The following STRN3 variants were observed in gnomAD, a reference collection of about 807,000 sequenced individuals.
The protein encoded by STRN3 is striatin-3.
STRN3 carries 29 observed loss-of-function variants against 95.6 expected under a neutral mutation model. The observed-to-expected ratio is 0.30, with a 90% CI of 0.23 to 0.41. STRN3 has a LOEUF of 0.41. Ranked by LOEUF, STRN3 falls within the 10% of genes least tolerant of loss-of-function variation. The pLI, the probability that STRN3 is intolerant of heterozygous loss-of-function variation, is 1.00. For synonymous variants in STRN3, 331 were observed against 357.6 expected (o/e 0.93, Z 0.84); for missense variants, 890 against 972.1 (o/e 0.92, Z 1.12).
chr14:31,014,441 C>T (rs1462263151), intron 1 of STRN3, among the ~76,000 whole-genome samples: 1 of 151,962 alleles, frequency 6.6e-6, no homozygotes, highest in East Asian at 1.9e-4. Context: ...AGGCTGTTCT[C>T]GAACTCCTAA....
Position 30,906,940 on chromosome 14 carries a change from T to C in STRN3, c.1825A>G (p.Thr609Ala). Residue 609 changes from threonine (T) to alanine (A), a missense_variant, in exon 14 of 18, where the codon ACT (threonine) becomes GCT (alanine). By Grantham distance (58) the Thr-to-Ala change is moderately conservative (BLOSUM62 0). This residue lies in a region of STRN3 where 357 missense variants were observed against 422.8 expected (regional missense o/e 0.84). Transcript: ENST00000357479. The stretch of plus-strand genomic sequence containing the variant: ...TCTTGTGGATTCCATAACCTAACAG[T>C]GCCATCTGCTGAACAAGACAGTAAT... ...NQLLSCSADG[T>A]VRLWNPQEKL... The C allele has an allele frequency of 6.2e-7, 1 of 1,613,968 alleles. No individual in the cohort carries two copies. The highest frequency in any genetic ancestry group is 8.5e-7 in the Non-Finnish European group (1 of 1,179,894).
chr14:31,017,313 C>A (rs1236014049), intron 1 of STRN3, among the ~76,000 whole-genome samples: 1 of 151,002 alleles, frequency 6.6e-6, no homozygotes, highest in Non-Finnish European at 1.5e-5. Context: ...TCCTGGCTAA[C>A]AAGGTGAAAC....
At chr14:30,913,437 G>T in intron 10 of STRN3, 87 bp downstream of exon 10, 1 of 1,320,094 alleles carries the variant, frequency 7.6e-7, no homozygotes, top group Non-Finnish European at 1.0e-6. Flanking sequence ...CATGCACCTT[G>T]ATATTAATTC....
At chr14:30,922,860 A>ATT (rs34737466) in intron 8 of STRN3, among the ~76,000 whole-genome samples, 3 of 3,522 alleles carry the variant, frequency 8.5e-4, no homozygotes, top group Non-Finnish European at 2.8e-3. Context: ...AAGTGCACTG[A>ATT]TTAGAGTATC....
intron 4 of STRN3, among the ~76,000 whole-genome samples, chr14:30,948,067 AAAAT>A (rs1297943149): frequency 2.0e-5 from 3 of 152,222 alleles, no homozygotes; most frequent in Non-Finnish European, 2.9e-5. Context: ...AATGTGAAAA[AAAAT>A]AAGCAAGATA....
chr14:30,950,808 T>C (rs374398712), intron 4 of STRN3, 55 bp downstream of exon 4: 48 of 1,486,826 alleles, frequency 3.2e-5, no homozygotes, highest in Non-Finnish European at 4.3e-5. Context: ...TGATTCAGTA[T>C]AAGCACTTTC....
At chr14:30,910,911 T>G in intron 13 of STRN3, 130 bp downstream of exon 13, 2 of 1,014,980 alleles carry the variant, frequency 2.0e-6, no homozygotes, top group Non-Finnish European at 2.7e-6. Flanking sequence ...ATAAAGCAAT[T>G]TATTAGCAAA....
chr14:31,003,988 AC>A (rs1289078383), intron 1 of STRN3, among the ~76,000 whole-genome samples: 1 of 151,890 alleles, frequency 6.6e-6, no homozygotes, highest in African/African-American at 2.4e-5. Flanking sequence ...CCTCATCTCA[AC>A]AAAGAAGTTT....
intron 1 of STRN3, among the ~76,000 whole-genome samples, chr14:30,998,426 A>C (rs1400426138): frequency 6.6e-6 from 1 of 152,236 alleles, no homozygotes. Context: ...CTGAGAACCT[A>C]GAAGGCCATA....
chr14:30,992,967 G>C (rs556254580), intron 1 of STRN3, among the ~76,000 whole-genome samples: 2 of 152,168 alleles, frequency 1.3e-5, no homozygotes, highest in Non-Finnish European at 2.9e-5. Context: ...CTAGGACATA[G>C]GTGGGTGTGC....
intron 3 of STRN3, among the ~76,000 whole-genome samples, chr14:30,951,746 C>T (rs1030709984): frequency 3.3e-5 from 5 of 151,964 alleles, no homozygotes; most frequent in Admixed American, 3.3e-4. Flanking sequence ...TAAAATTAAA[C>T]CAGAAAATAG....
intron 1 of STRN3, among the ~76,000 whole-genome samples, chr14:30,999,039 G>A (rs1007972927): frequency 6.6e-6 from 1 of 152,144 alleles, no homozygotes; most frequent in African/African-American, 2.4e-5. Flanking sequence ...CTACTCCTAA[G>A]AAAGCCCAGA....
chr14:30,975,576 A>C (rs1881058527), intron 1 of STRN3, among the ~76,000 whole-genome samples: 1 of 151,536 alleles, frequency 6.6e-6, no homozygotes, highest in Non-Finnish European at 1.5e-5. Flanking sequence ...AAGAAAGAGA[A>C]CGAAAGAAAG....
chr14:31,013,865 TATTATTATTA>T (rs1454052758), intron 1 of STRN3, among the ~76,000 whole-genome samples: 1 of 91,502 alleles, frequency 1.1e-5, no homozygotes, highest in Non-Finnish European at 2.1e-5. Context: ...AAAGCAATTT[TATTATTATTA>T]TTATTATTAT....
intron 9 of STRN3, among the ~76,000 whole-genome samples, chr14:30,917,422 G>A (rs141401562): frequency 3.3e-5 from 5 of 151,974 alleles, no homozygotes; most frequent in Non-Finnish European, 5.9e-5. Context: ...CATTGCTAAC[G>A]TGGCTTTGCC....
At position 30,970,535 on chromosome 14, in the gene STRN3, A is replaced by C. The variant is rs559310087; in HGVS notation, c.283-14293T>G. Among the ~76,000 whole-genome samples, 3 of 152,296 alleles carry C rather than the reference A, an allele frequency of 2.0e-5. No individual in the cohort carries two copies. The South Asian group carries it at 6.2e-4, about 32-fold the overall frequency. On this transcript the variant is annotated intron_variant, in intron 1 of 17. Transcript: ENST00000357479. ...AGCCCCCAAAGTTCTTCCCTTTTCT[A>C]AGCCAGTTCCCTTCTTTATGCCAGT...
Position 30,911,758 on chromosome 14 carries a change from C to T in STRN3, c.1598+19G>A. ...CAATAATGATGATGTTAATTAAATA[C>T]CAATTCAGTAAAACTTACATGTGGG... On this transcript the variant is annotated intron_variant, in intron 12 of 17. Coordinates refer to ENST00000357479, the MANE Select transcript of STRN3 (RefSeq NM_001083893.2). 6.3e-7 allele frequency: 1 copy of T among 1,591,514 alleles called. No individual in the cohort carries two copies. The highest frequency in any genetic ancestry group is 8.6e-7 in the Non-Finnish European group (1 of 1,167,924).
chr14:30,970,589 G>A (rs980380891), intron 1 of STRN3, among the ~76,000 whole-genome samples: 2 of 152,100 alleles, frequency 1.3e-5, no homozygotes, highest in Non-Finnish European at 2.9e-5. Flanking sequence ...AGGTTTCAAG[G>A]ACAGACCCTA....
chr14:31,020,452 T>C (rs551202733), intron 1 of STRN3, among the ~76,000 whole-genome samples: 21 of 151,408 alleles, frequency 1.4e-4, no homozygotes, highest in South Asian at 6.3e-4. Flanking sequence ...TGAGTTGAGA[T>C]AGCACCACTG....
Sources: gnomAD v4.1 joint callset for allele counts (sites outside exome capture counted in the v4.1 genomes callset) on GRCh38, gnomAD v4.1.1 for gene constraint, gnomAD v4.1.1 regional missense constraint, MANE v1.5 for transcripts, NCBI Gene and HGNC (gene_info 2026-07-23, HGNC 2026-07-21) for gene names.